Variants in LAMA2 observed in about 807,000 individuals in gnomAD.
The protein encoded by LAMA2 is laminin subunit alpha 2.
A neutral mutation model predicts 364.8 loss-of-function variants in LAMA2; 269 were observed. That is an observed-to-expected ratio of 0.74 (90% CI 0.67 to 0.82). LAMA2 has a LOEUF of 0.82. Among genes scored for constraint, LAMA2 ranks in the 40% least tolerant of loss-of-function variants. The pLI is 0.00. For synonymous variants in LAMA2, 1,379 were observed against 1,370.6 expected (o/e 1.01, Z -0.14); for missense variants, 3,807 against 3,873.2 (o/e 0.98, Z 0.45).
intron 1 of LAMA2, among the ~76,000 whole-genome samples, chr6:128,947,759 GA>G (rs1780570099): frequency 6.6e-6 from 1 of 152,162 alleles, no homozygotes; most frequent in Non-Finnish European, 1.5e-5. Context: ...GGCAAAGAGG[GA>G]TAGAGATTGT....
chr6:129,466,452 CT>C (rs1472842597), intron 51 of LAMA2, among the ~76,000 whole-genome samples: 2 of 151,888 alleles, frequency 1.3e-5, no homozygotes, highest in Admixed American at 6.6e-5. Flanking sequence ...ATAACACATC[CT>C]TTTCCAGCTG....
In LAMA2 at chr6:129,366,307, G is replaced by T. The variant is rs751340752; in HGVS notation, c.4806G>T (p.Leu1602=). Residue 1602 remains leucine (L), a synonymous_variant, in exon 33 of 65, where the codon CTG becomes CTT. Transcript: ENST00000421865. Reference sequence around the variant, plus strand: ...TGAGCATCAACCTCACTGGTCCGCTGCCTGCGCCATATAAAATGCTGTATG... The same window carrying T: ...TGAGCATCAACCTCACTGGTCCGCTTCCTGCGCCATATAAAATGCTGTATG... ...MVMSINLTGP[L]PAPYKMLYGL... 9.9e-6 allele frequency: 16 copies of T among 1,613,818 alleles called. No homozygotes were observed. The South Asian group carries it at 1.4e-4, about 14-fold the overall frequency.
chr6:129,352,895 CATT>C (rs112598431), intron 31 of LAMA2, among the ~76,000 whole-genome samples: 228 of 151,458 alleles, frequency 1.5e-3, no homozygotes, highest in African/African-American at 3.9e-3. Context: ...AGTAATTTAA[CATT>C]ATTATTATTA....
At chr6:129,209,101 G>A (rs969043504) in intron 12 of LAMA2, among the ~76,000 whole-genome samples, 16 of 152,168 alleles carry the variant, frequency 1.1e-4, no homozygotes, top group East Asian at 5.8e-4. Context: ...CCTTAAGCTC[G>A]TTTTTACTCA....
At chr6:129,240,606 T>G (rs1261154843) in intron 12 of LAMA2, among the ~76,000 whole-genome samples, 3 of 152,204 alleles carry the variant, frequency 2.0e-5, no homozygotes, top group African/African-American at 4.8e-5. Flanking sequence ...AACTACTCTC[T>G]TAAATGGTGG....
chr6:129,504,181 A>G (rs998269532), intron 60 of LAMA2, among the ~76,000 whole-genome samples: 1 of 152,242 alleles, frequency 6.6e-6, no homozygotes, highest in Non-Finnish European at 1.5e-5. Context: ...CCAATTTGTT[A>G]TCATGGAAAT....
At chr6:129,223,953 G>A (rs573145776) in intron 12 of LAMA2, among the ~76,000 whole-genome samples, 58 of 152,190 alleles carry the variant, frequency 3.8e-4, no homozygotes, top group South Asian at 4.1e-4. Flanking sequence ...CCATTTTCAC[G>A]ATATTGATTC....
At chr6:129,079,383 G>A (rs1328778263) in intron 3 of LAMA2, among the ~76,000 whole-genome samples, 3 of 104,018 alleles carry the variant, frequency 2.9e-5, no homozygotes, top group South Asian at 4.3e-4. Flanking sequence ...CATTGAATGA[G>A]GGTCTTAGGA....
At chr6:129,265,067 G>A (rs557176839) in intron 15 of LAMA2, among the ~76,000 whole-genome samples, 2 of 152,166 alleles carry the variant, frequency 1.3e-5, no homozygotes, top group African/African-American at 4.8e-5. Context: ...CCCAGTAGAA[G>A]GGAAAGTTAT....
intron 1 of LAMA2, among the ~76,000 whole-genome samples, chr6:129,038,993 A>C (rs915801241): frequency 6.6e-6 from 1 of 152,154 alleles, no homozygotes; most frequent in Admixed American, 6.5e-5. Flanking sequence ...CATTTGCCAT[A>C]TTTTTCTCAA....
chr6:129,018,599 T>A (rs1380266011), intron 1 of LAMA2, among the ~76,000 whole-genome samples: 1 of 151,820 alleles, frequency 6.6e-6, no homozygotes, highest in Non-Finnish European at 1.5e-5. Context: ...TTCCTCTTAG[T>A]TGTCTAATAA....
At chr6:129,008,903 G>T (rs751122731) in intron 1 of LAMA2, among the ~76,000 whole-genome samples, 1 of 152,172 alleles carries the variant, frequency 6.6e-6, no homozygotes, top group Non-Finnish European at 1.5e-5. Context: ...TTGTACCCAG[G>T]ATGTAGTGTA....
At chr6:128,900,987 T>C (rs4551189) in intron 1 of LAMA2, among the ~76,000 whole-genome samples, 19,893 of 152,082 alleles carry the variant, frequency 0.13, 1,664 homozygotes, top group African/African-American at 0.23. Flanking sequence ...TCCCTGCCTC[T>C]ACAAAAATAA....
At chr6:128,990,650 T>G (rs1428335732) in intron 1 of LAMA2, among the ~76,000 whole-genome samples, 2 of 152,180 alleles carry the variant, frequency 1.3e-5, no homozygotes, top group African/African-American at 4.8e-5. Context: ...CTATTTTGTA[T>G]TATTATTTTG....
intron 41 of LAMA2, among the ~76,000 whole-genome samples, chr6:129,429,961 T>A (rs945984425): frequency 1.1e-4 from 17 of 152,214 alleles, no homozygotes; most frequent in Admixed American, 7.9e-4. Context: ...AAATGTTCAT[T>A]AGTTTAAATT....
chr6:129,389,287 TG>T (rs1352868750), intron 35 of LAMA2, among the ~76,000 whole-genome samples: 3 of 152,254 alleles, frequency 2.0e-5, no homozygotes, highest in African/African-American at 7.2e-5. Context: ...TTAGCCCATT[TG>T]GGCTGCTATA....
chr6:129,326,745 T>TATATATAATTTATATATATA (rs1166601661), intron 28 of LAMA2, among the ~76,000 whole-genome samples: 8,359 of 142,550 alleles, frequency 0.059, 425 homozygotes, highest in Admixed American at 0.11. Context: ...TTATATATTA[T>TATATATAATTTATATATATA]ATATATAATT....
At chr6:129,180,144 C>T (rs1054329881) in intron 10 of LAMA2, among the ~76,000 whole-genome samples, 8 of 152,022 alleles carry the variant, frequency 5.3e-5, no homozygotes, top group Admixed American at 3.3e-4. Flanking sequence ...CATGATTTGA[C>T]ATAGATATGT....
intron 3 of LAMA2, among the ~76,000 whole-genome samples, chr6:129,071,669 T>C (rs535899284): frequency 6.6e-6 from 1 of 152,218 alleles, no homozygotes; most frequent in African/African-American, 2.4e-5. Flanking sequence ...CTCTGAGTTA[T>C]ATAGAAGTGA....
Sources: gnomAD v4.1 joint callset for allele counts (sites outside exome capture counted in the v4.1 genomes callset) on GRCh38, gnomAD v4.1.1 for gene constraint, MANE v1.5 for transcripts, NCBI Gene and HGNC (gene_info 2026-07-23, HGNC 2026-07-21) for gene names.